Variants in NREP observed in about 807,000 individuals in gnomAD.
NREP encodes neuronal regeneration-related protein.
A neutral mutation model predicts 8.6 loss-of-function variants in NREP; 5 were observed. The ratio of observed to expected loss-of-function variants is 0.58; its 90% CI spans 0.30 to 1.22. The LOEUF (loss-of-function observed/expected upper bound fraction) is 1.22, where lower values mean the gene tolerates loss of function less well. NREP is among the 50% of genes most tolerant of loss of function. NREP has a pLI of 0.07. For missense variants in NREP, 86 were observed against 82.5 expected, an observed-to-expected ratio of 1.04 and a Z score of -0.17; for synonymous variants, 27 against 28.0, an observed-to-expected ratio of 0.96 and a Z score of 0.11.
intron 2 of NREP, among the ~76,000 whole-genome samples, chr5:111,967,776 T>C (rs1479460759): frequency 6.6e-6 from 1 of 152,032 alleles, no homozygotes; most frequent in Non-Finnish European, 1.5e-5. Flanking sequence ...CTTCCCCAAC[T>C]TGTAAACTTT....
At chr5:111,941,589 C>A (rs1319161417) in intron 2 of NREP, among the ~76,000 whole-genome samples, 1 of 152,062 alleles carries the variant, frequency 6.6e-6, no homozygotes, top group Non-Finnish European at 1.5e-5. Context: ...GAGTCACATT[C>A]TGAAGTATTA....
chr5:111,893,338 A>T, intron 2 of NREP, among the ~76,000 whole-genome samples: 1 of 152,126 alleles, frequency 6.6e-6, no homozygotes, highest in East Asian at 1.9e-4. Context: ...AAAATAATTG[A>T]GGGCTTTTAA....
intron 2 of NREP, among the ~76,000 whole-genome samples, chr5:111,775,092 T>G (rs1381065898): frequency 1.3e-5 from 2 of 152,214 alleles, no homozygotes; most frequent in Non-Finnish European, 2.9e-5. Flanking sequence ...CGTTTTGCTA[T>G]GTTGCTCAGG....
chr5:111,844,838 A>G (rs1462147701), intron 2 of NREP, among the ~76,000 whole-genome samples: 2 of 151,212 alleles, frequency 1.3e-5, no homozygotes, highest in African/African-American at 2.4e-5. Context: ...TGCACTTGTT[A>G]TATGCAAATT....
chr5:111,876,661 G>T (rs975168409), intron 2 of NREP, among the ~76,000 whole-genome samples: 3 of 152,186 alleles, frequency 2.0e-5, no homozygotes, highest in Admixed American at 2.0e-4. Context: ...TAAAAGTTGT[G>T]AGGATGAGGC....
Position 111,884,336 on chromosome 5 carries a change from T to C in NREP, c.135+90938A>G, listed in dbSNP as rs1464091688. Among the ~76,000 whole-genome samples the C allele has an allele frequency of 1.3e-4, 20 of 151,492 alleles. No individual in the cohort carries two copies. The South Asian group carries it at 1.7e-3, about 13-fold the overall frequency. On this transcript the variant is annotated intron_variant, in intron 2 of 3. Transcript: ENST00000395634. ...CTGAAATTGTGGCAATAATCAATAG[T>C]TTACCAACCAAAAAGAGTCCAGGAC...
chr5:111,895,853 C>T (rs969344425), intron 2 of NREP, among the ~76,000 whole-genome samples: 24 of 152,102 alleles, frequency 1.6e-4, no homozygotes, highest in African/African-American at 4.3e-4. Context: ...GGCTCATGTA[C>T]GGCCTTAGAA....
At chr5:111,761,216 G>T (rs749988398), upstream of NREP, among the ~76,000 whole-genome samples, 2 of 152,176 alleles carry the variant, frequency 1.3e-5, no homozygotes, top group Non-Finnish European at 2.9e-5. Flanking sequence ...AGGTATTATA[G>T]ACTGCTTTAT....
At chr5:111,831,372 T>C (rs992473251) in intron 2 of NREP, among the ~76,000 whole-genome samples, 4 of 152,276 alleles carry the variant, frequency 2.6e-5, no homozygotes, top group Non-Finnish European at 5.9e-5. Flanking sequence ...CATTGGGCCA[T>C]TGAAACTAGT....
At chr5:111,823,184 C>G (rs1752548701) in intron 2 of NREP, among the ~76,000 whole-genome samples, 1 of 152,126 alleles carries the variant, frequency 6.6e-6, no homozygotes, top group Non-Finnish European at 1.5e-5. Flanking sequence ...CCAGCTCTCA[C>G]AAGAACTAAT....
Position 111,872,164 on chromosome 5 carries a change from G to C in NREP, c.135+103110C>G, listed in dbSNP as rs891463289. ...GTCTCAAGATCTGCAGGCTGAGCCA[G>C]CAACCTGGAGACCCAGAGAGTTGAT... On this transcript the variant is annotated intron_variant, in intron 2 of 3. Coordinates refer to the NREP transcript ENST00000395634. Among the ~76,000 whole-genome samples, 53 of 152,092 alleles carry C rather than the reference G, an allele frequency of 3.5e-4. 1 individual carries two copies. Among genetic ancestry groups the C allele is most frequent in the African/African-American group, 1.3e-3 (52 of 41,414 alleles).
chr5:111,904,319 G>A (rs1754723694), intron 2 of NREP, among the ~76,000 whole-genome samples: 1 of 152,084 alleles, frequency 6.6e-6, no homozygotes, highest in Non-Finnish European at 1.5e-5. Flanking sequence ...TATCATAGCT[G>A]TATGATAAAT....
At chr5:111,755,629 G>A (rs1436377169) in intron 2 of NREP, 141 bp downstream of exon 2, 10 of 905,944 alleles carry the variant, frequency 1.1e-5, no homozygotes, top group Non-Finnish European at 1.6e-5. Flanking sequence ...ACGCTCCCAG[G>A]AACTGGAGAT....
At chr5:111,826,553 T>A (rs186612227) in intron 2 of NREP, among the ~76,000 whole-genome samples, 3 of 152,110 alleles carry the variant, frequency 2.0e-5, no homozygotes, top group African/African-American at 7.2e-5. Flanking sequence ...AGGAACAAAC[T>A]CAGGACACAC....
At chr5:111,901,056 A>C (rs1020763517) in intron 2 of NREP, among the ~76,000 whole-genome samples, 2 of 152,090 alleles carry the variant, frequency 1.3e-5, no homozygotes, top group African/African-American at 2.4e-5. Context: ...AAAGACAACA[A>C]ACCATGATCA....
chr5:111,785,228 T>C (rs1160930989), intron 2 of NREP, among the ~76,000 whole-genome samples: 1 of 152,220 alleles, frequency 6.6e-6, no homozygotes, highest in Non-Finnish European at 1.5e-5. Context: ...AGCATGGCTT[T>C]GTTAAACGTA....
chr5:111,919,954 A>G (rs1755185926), intron 2 of NREP, among the ~76,000 whole-genome samples: 1 of 123,604 alleles, frequency 8.1e-6, no homozygotes, highest in South Asian at 2.4e-4. Context: ...AAAGAACTGA[A>G]TTAATTAATA....
intron 2 of NREP, among the ~76,000 whole-genome samples, chr5:111,947,276 AC>A (rs1756015082): frequency 6.6e-6 from 1 of 152,028 alleles, no homozygotes; most frequent in Non-Finnish European, 1.5e-5. Context: ...TAGAGAAAAA[AC>A]CTTTTTGATT....
intron 2 of NREP, among the ~76,000 whole-genome samples, chr5:111,822,814 G>A (rs1351058693): frequency 1.3e-5 from 2 of 152,172 alleles, no homozygotes; most frequent in Non-Finnish European, 2.9e-5. Flanking sequence ...ATGTGACACA[G>A]ACTTTAAAAT....
Sources: allele counts gnomAD v4.1 joint callset (sites outside exome capture counted in the v4.1 genomes callset), GRCh38; gene constraint gnomAD v4.1.1; transcripts MANE v1.5; gene names NCBI Gene and HGNC (gene_info 2026-07-23, HGNC 2026-07-21).